GPC5: variants seen among roughly 807,000 people sequenced by gnomAD.
The protein encoded by GPC5 is glypican 5.
Under a neutral mutation model 53.9 loss-of-function variants are expected in GPC5, and 47 were observed. The observed-to-expected ratio is 0.87, with a 90% confidence interval of 0.69 to 1.11. The LOEUF is 1.11. GPC5 is among the 50% of genes most tolerant of loss of function. The pLI is 0.00. For synonymous variants in GPC5, 286 were observed against 263.3 expected (o/e 1.09, Z -0.84); for missense variants, 748 against 713.1 (o/e 1.05, Z -0.56).
chr13:92,189,060 T>C (rs1452245890), intron 7 of GPC5, among the ~76,000 whole-genome samples: 1 of 152,120 alleles, frequency 6.6e-6, no homozygotes. Context: ...TGCTGGAGGC[T>C]GAAAACTCCA....
At chr13:92,056,774 CAA>C (rs552385735) in intron 6 of GPC5, among the ~76,000 whole-genome samples, 4 of 152,010 alleles carry the variant, frequency 2.6e-5, no homozygotes, top group Admixed American at 6.6e-5. Flanking sequence ...ATATAGTTGT[CAA>C]GACATAAAGG....
intron 7 of GPC5, among the ~76,000 whole-genome samples, chr13:92,779,825 C>A (rs1875954672): frequency 6.6e-6 from 1 of 152,132 alleles, no homozygotes; most frequent in Admixed American, 6.6e-5. Context: ...TTTGTAAGGA[C>A]AAACTCATAA....
At chr13:91,826,977 G>GA (rs1339174591) in intron 5 of GPC5, among the ~76,000 whole-genome samples, 2 of 151,806 alleles carry the variant, frequency 1.3e-5, no homozygotes, top group Non-Finnish European at 2.9e-5. Context: ...TGAATGGGTA[G>GA]AAAAAACGTA....
At chr13:92,301,158 T>C (rs2043072566) in intron 7 of GPC5, among the ~76,000 whole-genome samples, 1 of 152,220 alleles carries the variant, frequency 6.6e-6, no homozygotes, top group African/African-American at 2.4e-5. Flanking sequence ...ATCTTGAGAC[T>C]AAAAATATAG....
At chr13:91,859,314 GT>G (rs775767605) in intron 5 of GPC5, among the ~76,000 whole-genome samples, 2 of 151,612 alleles carry the variant, frequency 1.3e-5, no homozygotes, top group Admixed American at 6.6e-5. Flanking sequence ...GCTTTTTGCT[GT>G]ATCCCATAGG....
intron 7 of GPC5, among the ~76,000 whole-genome samples, chr13:92,473,180 A>G (rs1878975935): frequency 2.6e-5 from 4 of 152,084 alleles, no homozygotes. Flanking sequence ...GGTCTAATGC[A>G]TTTATAATAT....
intron 4 of GPC5, among the ~76,000 whole-genome samples, chr13:91,749,094 T>A (rs2037114771): frequency 6.6e-6 from 1 of 152,142 alleles, no homozygotes. Flanking sequence ...ATGGATATGT[T>A]GTGTAGTAGT....
chr13:92,031,468 C>T (rs1052097379), intron 6 of GPC5, among the ~76,000 whole-genome samples: 4 of 151,426 alleles, frequency 2.6e-5, no homozygotes, highest in Non-Finnish European at 2.9e-5. Flanking sequence ...CACTGTTTTC[C>T]ATAGTGATTG....
intron 7 of GPC5, among the ~76,000 whole-genome samples, chr13:92,628,899 A>G (rs1478010778): frequency 1.3e-5 from 2 of 152,152 alleles, no homozygotes; most frequent in Non-Finnish European, 2.9e-5. Flanking sequence ...AAGTGGTGGG[A>G]AGCATTTCCC....
At chr13:92,206,042 CAA>C (rs58237718) in intron 7 of GPC5, among the ~76,000 whole-genome samples, 5,501 of 90,188 alleles carry the variant, frequency 0.061, 121 homozygotes, top group African/African-American at 0.15. Context: ...GACTCCATCT[CAA>C]AAAAAAAAAA....
rs373994430 is a variant in GPC5 at position 91,518,546 on chromosome 13, T to G, written c.325+69624T>G. 6.4e-4 allele frequency among the ~76,000 whole-genome samples: 97 copies of G among 152,258 alleles called. 1 individual carries two copies. In the South Asian group the frequency reaches 0.019, roughly 31 times the overall value. ...ATAGCTCCATGTACTAGATGGAGAA[T>G]TTCAGATTTCTTTTTTCTTTTTTTG... On this transcript the variant is annotated intron_variant, in intron 2 of 7. Coordinates refer to ENST00000377067, the MANE Select transcript of GPC5 (RefSeq NM_004466.6).
intron 7 of GPC5, among the ~76,000 whole-genome samples, chr13:92,314,741 G>GT (rs1283033672): frequency 6.6e-6 from 1 of 152,170 alleles, no homozygotes; most frequent in African/African-American, 2.4e-5. Context: ...GAGAAACTGA[G>GT]TAAGTGTCCA....
chr13:92,791,232 C>T (rs1237812163), intron 7 of GPC5, among the ~76,000 whole-genome samples: 1 of 152,010 alleles, frequency 6.6e-6, no homozygotes, highest in Non-Finnish European at 1.5e-5. Flanking sequence ...TGTATTGCTG[C>T]ACAATTTTAA....
chr13:92,364,106 G>C (rs1011087887), intron 7 of GPC5, among the ~76,000 whole-genome samples: 5 of 151,698 alleles, frequency 3.3e-5, no homozygotes, highest in Admixed American at 6.6e-5. Flanking sequence ...TAGCTACACT[G>C]TATGTCAGAA....
In GPC5 at chr13:92,650,829, A is replaced by T. The variant is rs551780384; in HGVS notation, c.1562-215453A>T. ...AATTTTACTTTAAGTTCTGAGAGACATGTGCAGAACGTGGAGGTTTGTTGC... is the reference window on the plus strand; with the variant it reads ...AATTTTACTTTAAGTTCTGAGAGACTTGTGCAGAACGTGGAGGTTTGTTGC... On this transcript the variant is annotated intron_variant, in intron 7 of 7. Coordinates refer to ENST00000377067, the MANE Select transcript of GPC5 (RefSeq NM_004466.6). 4.6e-5 allele frequency among the ~76,000 whole-genome samples: 7 copies of T among 152,258 alleles called. No homozygotes were observed. The South Asian group carries it at 1.2e-3, about 27-fold the overall frequency.
At chr13:91,427,794 G>A (rs749230833) in intron 1 of GPC5, among the ~76,000 whole-genome samples, 4 of 152,150 alleles carry the variant, frequency 2.6e-5, no homozygotes, top group African/African-American at 7.2e-5. Context: ...ATGTCCCCAG[G>A]TGTTGATGGA....
chr13:91,577,132 C>T (rs1388786754), intron 2 of GPC5, among the ~76,000 whole-genome samples: 1 of 152,100 alleles, frequency 6.6e-6, no homozygotes. Flanking sequence ...TCTCCCTAGG[C>T]ACTATATGGA....
chr13:91,880,571 C>T (rs537785322), intron 5 of GPC5, among the ~76,000 whole-genome samples: 2 of 152,092 alleles, frequency 1.3e-5, no homozygotes, highest in African/African-American at 4.8e-5. Flanking sequence ...TATGTCCCAT[C>T]AATTTAGTCA....
intron 1 of GPC5, among the ~76,000 whole-genome samples, chr13:91,414,438 C>G (rs1878035144): frequency 6.6e-6 from 1 of 152,194 alleles, no homozygotes; most frequent in Non-Finnish European, 1.5e-5. Flanking sequence ...TTGGGCAGTT[C>G]TTTATAGCAG....
Sources: gnomAD v4.1 joint callset for allele counts (sites outside exome capture counted in the v4.1 genomes callset) on GRCh38, gnomAD v4.1.1 for gene constraint, MANE v1.5 for transcripts, NCBI Gene and HGNC (gene_info 2026-07-23, HGNC 2026-07-21) for gene names.